The following HIPK2 variants were observed in gnomAD, a reference collection of about 807,000 sequenced individuals.
HIPK2 encodes the protein homeodomain interacting protein kinase 2.
A neutral mutation model predicts 113.7 loss-of-function variants in HIPK2; 27 were observed. That is an observed-to-expected ratio of 0.24 (90% CI 0.17 to 0.33). The LOEUF is 0.33. HIPK2 is among the 10% of genes least tolerant of loss of function. HIPK2 has a pLI of 1.00. For synonymous variants in HIPK2, 631 were observed against 642.2 expected, an observed-to-expected ratio of 0.98 and a Z score of 0.26; for missense variants, 1,257 against 1,588.0, an observed-to-expected ratio of 0.79 and a Z score of 3.54.
At chr7:139,771,148 G>A (rs1249814982) in intron 1 of HIPK2, among the ~76,000 whole-genome samples, 1 of 152,124 alleles carries the variant, frequency 6.6e-6, no homozygotes, top group Admixed American at 6.5e-5. Flanking sequence ...TAGTAAAACA[G>A]GTATGGCTTT....
intron 2 of HIPK2, among the ~76,000 whole-genome samples, chr7:139,639,371 A>C (rs989935645): frequency 2.0e-5 from 3 of 152,204 alleles, no homozygotes; most frequent in Non-Finnish European, 2.9e-5. Context: ...AATTTGTTTC[A>C]AGCTGTCCTC....
chr7:139,651,282 G>A (rs1247140940), intron 2 of HIPK2, among the ~76,000 whole-genome samples: 1 of 152,160 alleles, frequency 6.6e-6, no homozygotes, highest in Admixed American at 6.5e-5. Context: ...AAGACTGAAC[G>A]GATGGCATGA....
At chr7:139,623,546 A>G (rs1244526074) in intron 6 of HIPK2, among the ~76,000 whole-genome samples, 1 of 151,560 alleles carries the variant, frequency 6.6e-6, no homozygotes, top group African/African-American at 2.4e-5. Context: ...AAAGAAAAAA[A>G]GGACAAATCC....
At position 139,604,058 on chromosome 7, in the gene HIPK2, C is replaced by T. The variant is rs141732879; in HGVS notation, c.2255+23G>A. 5.6e-6 allele frequency: 9 copies of T among 1,613,478 alleles called. No homozygotes were observed. The South Asian group carries it at 7.7e-5, about 14-fold the overall frequency. ...CTCCCATCCCAGACACACCCACTCA[C>T]CCTAGAGGGGTTTCCTGCTTACCTC... On this transcript the variant is annotated intron_variant, in intron 10 of 14. Coordinates refer to ENST00000406875, the MANE Select transcript of HIPK2 (RefSeq NM_022740.5).
intron 2 of HIPK2, among the ~76,000 whole-genome samples, chr7:139,713,346 G>T (rs531367869): frequency 4.6e-5 from 7 of 152,250 alleles, no homozygotes; most frequent in African/African-American, 1.7e-4. Context: ...GCTGCCGCAG[G>T]CTTCCTGAGC....
chr7:139,708,972 A>G (rs924487469), intron 2 of HIPK2, among the ~76,000 whole-genome samples: 2 of 152,212 alleles, frequency 1.3e-5, no homozygotes, highest in African/African-American at 4.8e-5. Context: ...GTATACACAG[A>G]GCATTCCAGT....
At chr7:139,763,183 C>T (rs1032445313) in intron 1 of HIPK2, among the ~76,000 whole-genome samples, 3 of 152,136 alleles carry the variant, frequency 2.0e-5, no homozygotes, top group Admixed American at 6.5e-5. Flanking sequence ...AGAAGCAAGC[C>T]GGGACTGTGC....
chr7:139,652,503 A>G (rs912997670), intron 2 of HIPK2, among the ~76,000 whole-genome samples: 1 of 152,242 alleles, frequency 6.6e-6, no homozygotes, highest in Non-Finnish European at 1.5e-5. Flanking sequence ...CATCTCGTGT[A>G]CACGTATGGA....
chr7:139,642,476 G>A (rs1801060126), intron 2 of HIPK2, among the ~76,000 whole-genome samples: 1 of 152,188 alleles, frequency 6.6e-6, no homozygotes, highest in African/African-American at 2.4e-5. Context: ...GCTGCATGGA[G>A]AGACAACACG....
intron 1 of HIPK2, 75 bp downstream of exon 1, chr7:139,777,530 G>T: frequency 8.9e-6 from 6 of 673,082 alleles, no homozygotes; most frequent in South Asian, 6.4e-5. Context: ...CGGGCGCGGG[G>T]CCGCGGGCAG....
intron 9 of HIPK2, among the ~76,000 whole-genome samples, chr7:139,605,236 G>A (rs1303802778): frequency 1.2e-5 from 1 of 84,646 alleles, no homozygotes; most frequent in Admixed American, 1.1e-4. Context: ...AGATTCACTG[G>A]TGTGTGTGTG....
intron 2 of HIPK2, among the ~76,000 whole-genome samples, chr7:139,692,389 C>A (rs1380892356): frequency 6.6e-6 from 1 of 152,154 alleles, no homozygotes; most frequent in Non-Finnish European, 1.5e-5. Flanking sequence ...TCCCCGAGAG[C>A]CTGCTTAATG....
intron 2 of HIPK2, among the ~76,000 whole-genome samples, chr7:139,670,432 T>A (rs1306659556): frequency 6.7e-6 from 1 of 148,792 alleles, no homozygotes; most frequent in Non-Finnish European, 1.5e-5. Flanking sequence ...AAAAATCAGT[T>A]AAAAAAAAAA....
chr7:139,739,018 G>A (rs891545225), intron 1 of HIPK2, among the ~76,000 whole-genome samples: 9 of 152,208 alleles, frequency 5.9e-5, no homozygotes, highest in Admixed American at 2.0e-4. Flanking sequence ...AAATGCCCTC[G>A]CCCAAGATAA....
chr7:139,714,657 C>T lies in HIPK2; in HGVS notation c.1103+1275G>A, dbSNP rs1795167281. Among the ~76,000 whole-genome samples, 1 of 152,204 alleles carries T rather than the reference C, an allele frequency of 6.6e-6. No homozygotes were observed. Among genetic ancestry groups the T allele is most frequent in the Non-Finnish European group, 1.5e-5 (1 of 68,036 alleles). On this transcript the variant is annotated intron_variant, in intron 2 of 14. Coordinates refer to ENST00000406875, the MANE Select transcript of HIPK2 (RefSeq NM_022740.5). The surrounding 1 kb of genome is among the most constrained non-coding windows in gnomAD (Gnocchi z 4.2). ...GCGTGCTTGCTTGCAAGCAGGATGG[C>T]CTCCGGGGACCCCGGTCTTCCTGCC...
At position 139,665,023 on chromosome 7, in the gene HIPK2, C is replaced by T. The variant is rs1240532742; in HGVS notation, c.1104-33298G>A. Among the ~76,000 whole-genome samples, 3 of 143,178 alleles carry T rather than the reference C, an allele frequency of 2.1e-5. No homozygotes were observed. In the East Asian group the frequency reaches 6.5e-4, roughly 31 times the overall value. 93.9% of individuals were successfully genotyped at this position (143,178 alleles called of 152,430 possible). The stretch of plus-strand genomic sequence containing the variant: ...CCTTCCAGCTCTTTCCTTGGTTACC[C>T]TTCTTCTTTCTCTCTCTTTTTTTTT... On this transcript the variant is annotated intron_variant, in intron 2 of 14. Transcript: ENST00000406875.
At chr7:139,587,002 C>CT (rs1223560219) in intron 12 of HIPK2, among the ~76,000 whole-genome samples, 2 of 151,938 alleles carry the variant, frequency 1.3e-5, no homozygotes, top group African/African-American at 4.8e-5. Flanking sequence ...TGGAAAAGTT[C>CT]TGAAAATAGA....
rs574939673 is a variant in HIPK2 at position 139,716,917 on chromosome 7, C to T, written c.118G>A (p.Asp40Asn). 13 of 1,613,900 alleles carry T rather than the reference C, an allele frequency of 8.1e-6. No individual in the cohort carries two copies. The Admixed American group carries it at 1.8e-4, about 23-fold the overall frequency. Residue 40 changes from aspartate (D) to asparagine (N), a missense_variant, in exon 2 of 15, where the codon GAC becomes AAC. By Grantham distance (23) the Asp-to-Asn change is conservative. Transcript: ENST00000406875. This position sits in a 1 kb window ranked among gnomAD's most constrained non-coding sequence, Gnocchi z 9.3. ...KLKIEPSSNW[D>N]MTGYGSHSKV... ...CTGTGGGAGCCGTACCCAGTCATGT[C>T]CCAGTTGGAACTCGGCTCTATTTTC...
At chr7:139,691,476 C>T (rs1271991445) in intron 2 of HIPK2, among the ~76,000 whole-genome samples, 1 of 152,234 alleles carries the variant, frequency 6.6e-6, no homozygotes, top group East Asian at 1.9e-4. Flanking sequence ...ACCCTGCTCC[C>T]TGCCTACCCA....
Sources: gnomAD v4.1 joint callset for allele counts (sites outside exome capture counted in the v4.1 genomes callset) on GRCh38, gnomAD v4.1.1 for gene constraint, Gnocchi (gnomAD v3.1) non-coding constraint, MANE v1.5 for transcripts, NCBI Gene and HGNC (gene_info 2026-07-23, HGNC 2026-07-21) for gene names.